Variants in DIS3L2 observed in about 807,000 individuals in gnomAD.
DIS3L2 encodes DIS3-like exonuclease 2.
Under a neutral mutation model 97.5 loss-of-function variants are expected in DIS3L2, and 34 were observed. The observed-to-expected ratio is 0.35, with a 90% CI of 0.27 to 0.46. The LOEUF is 0.46. Ranked by LOEUF, DIS3L2 falls within the 20% of genes least tolerant of loss-of-function variation. The pLI is 1.00. For missense variants in DIS3L2, 1,038 were observed against 1,146.0 expected (o/e 0.91, Z 1.36); for synonymous variants, 435 against 445.2 (o/e 0.98, Z 0.29).
At chr2:231,962,274 G>T (rs924083960) in intron 1 of DIS3L2, among the ~76,000 whole-genome samples, 21 of 148,742 alleles carry the variant, frequency 1.4e-4, no homozygotes, top group Non-Finnish European at 2.2e-4. Flanking sequence ...ATCATAGAGA[G>T]TTTTTTTTTT....
At chr2:232,329,785 T>TCCCGGGGGACCCCCCC in intron 14 of DIS3L2, 28 bp from the exon 15 acceptor site, 1 of 967,144 alleles carries the variant, frequency 1.0e-6, no homozygotes, top group Non-Finnish European at 1.5e-6. Context: ...ACCCCAGCGG[T>TCCCGGGGGACCCCCCC]CCCTCCCATC....
chr2:232,107,061 A>G (rs565154594), intron 6 of DIS3L2, among the ~76,000 whole-genome samples: 25 of 152,350 alleles, frequency 1.6e-4, no homozygotes, highest in Non-Finnish European at 2.6e-4. Flanking sequence ...AACTAATGAG[A>G]ACAAAGATAC....
At chr2:232,060,989 A>G (rs1256847365) in intron 5 of DIS3L2, among the ~76,000 whole-genome samples, 1 of 151,374 alleles carries the variant, frequency 6.6e-6, no homozygotes, top group Non-Finnish European at 1.5e-5. Context: ...ATGCTGCTGT[A>G]TGTTGATTTT....
intron 14 of DIS3L2, among the ~76,000 whole-genome samples, chr2:232,315,817 C>T (rs976760184): frequency 6.6e-6 from 1 of 152,166 alleles, no homozygotes; most frequent in Non-Finnish European, 1.5e-5. Context: ...GGCCAACTTC[C>T]GCAGCTGCTC....
chr2:231,962,120 G>T (rs547442951), intron 1 of DIS3L2, among the ~76,000 whole-genome samples: 3 of 152,312 alleles, frequency 2.0e-5, no homozygotes, highest in Non-Finnish European at 4.4e-5. Context: ...GGTCACCTGT[G>T]GACGCGTTCT....
chr2:232,338,941 A>C (rs779370983), downstream of DIS3L2, among the ~76,000 whole-genome samples: 2 of 152,248 alleles, frequency 1.3e-5, no homozygotes, highest in Non-Finnish European at 2.9e-5. Context: ...TTCCTCAAGG[A>C]GACACCGTGG....
At chr2:232,240,667 C>A (rs1417712272) in intron 11 of DIS3L2, among the ~76,000 whole-genome samples, 1 of 152,118 alleles carries the variant, frequency 6.6e-6, no homozygotes, top group East Asian at 1.9e-4. Context: ...TTCTCTTTGC[C>A]CCCCGACCCC....
At chr2:232,198,477 T>C (rs1231840738) in intron 9 of DIS3L2, 2 of 152,226 alleles carry the variant, frequency 1.3e-5, no homozygotes, top group Non-Finnish European at 2.9e-5. Context: ...AGTATTCTCA[T>C]AGGCTGTTTT....
chr2:232,009,593 G>C (rs1251418095), intron 1 of DIS3L2, among the ~76,000 whole-genome samples: 1 of 152,124 alleles, frequency 6.6e-6, no homozygotes, highest in East Asian at 1.9e-4. Flanking sequence ...CTTTGTCATT[G>C]GTTTTTGTGA....
At chr2:232,301,524 T>G (rs1032299245) in intron 14 of DIS3L2, among the ~76,000 whole-genome samples, 1 of 152,178 alleles carries the variant, frequency 6.6e-6, no homozygotes, top group Non-Finnish European at 1.5e-5. Context: ...GAAGAGAGGC[T>G]ACCGGGTGCC....
intron 10 of DIS3L2, among the ~76,000 whole-genome samples, chr2:232,232,210 G>A (rs1204888829): frequency 2.6e-5 from 4 of 151,974 alleles, no homozygotes; most frequent in African/African-American, 9.7e-5. Context: ...GGGAGGAGTG[G>A]AAGAAACAAG....
intron 3 of DIS3L2, among the ~76,000 whole-genome samples, chr2:232,019,508 T>C (rs577718675): frequency 2.6e-4 from 39 of 150,674 alleles, no homozygotes; most frequent in Admixed American, 2.3e-3. Flanking sequence ...GTCATGATCA[T>C]GCCATTGTGC....
chr2:232,329,785 T>TGCCGGGGGGGGGCGC, intron 14 of DIS3L2, 28 bp from the exon 15 acceptor site: 2 of 967,144 alleles, frequency 2.1e-6, no homozygotes, highest in Non-Finnish European at 2.9e-6. Context: ...ACCCCAGCGG[T>TGCCGGGGGGGGGCGC]CCCTCCCATC....
At chr2:232,161,845 T>C (rs1348448619) in intron 8 of DIS3L2, among the ~76,000 whole-genome samples, 1 of 152,022 alleles carries the variant, frequency 6.6e-6, no homozygotes, top group African/African-American at 2.4e-5. Flanking sequence ...TGATCTCGGC[T>C]CACCGCAACC....
intron 16 of DIS3L2, among the ~76,000 whole-genome samples, chr2:232,331,315 G>A (rs1008194438): frequency 3.3e-5 from 5 of 152,208 alleles, no homozygotes; most frequent in African/African-American, 9.6e-5. Context: ...TGCAGGGCCC[G>A]AGCATCCTGG....
intron 6 of DIS3L2, among the ~76,000 whole-genome samples, chr2:232,098,801 T>C (rs1469890497): frequency 6.6e-6 from 1 of 152,248 alleles, no homozygotes; most frequent in East Asian, 1.9e-4. Flanking sequence ...CTAACAGTTT[T>C]ACAAACATCT....
At chr2:232,230,664 C>T (rs1692764357) in intron 10 of DIS3L2, among the ~76,000 whole-genome samples, 1 of 152,128 alleles carries the variant, frequency 6.6e-6, no homozygotes, top group Admixed American at 6.5e-5. Flanking sequence ...CTGCAGATGG[C>T]ATTAATAGAG....
intron 14 of DIS3L2, among the ~76,000 whole-genome samples, chr2:232,307,963 A>G (rs1277535596): frequency 6.6e-6 from 1 of 152,140 alleles, no homozygotes; most frequent in African/African-American, 2.4e-5. Context: ...CTTTCTCTCC[A>G]TGCCAGGAAG....
intron 6 of DIS3L2, among the ~76,000 whole-genome samples, chr2:232,109,817 A>G (rs1490257093): frequency 2.0e-5 from 3 of 152,254 alleles, no homozygotes; most frequent in Non-Finnish European, 2.9e-5. Context: ...CAATGATTTC[A>G]TGAAGACACC....
Sources: gnomAD v4.1 joint callset for allele counts (sites outside exome capture counted in the v4.1 genomes callset) on GRCh38, gnomAD v4.1.1 for gene constraint, MANE v1.5 for transcripts, NCBI Gene and HGNC (gene_info 2026-07-23, HGNC 2026-07-21) for gene names.